The following KCNIP1 variants were observed in gnomAD, a reference collection of about 807,000 sequenced individuals.
KCNIP1 encodes A-type potassium channel modulatory protein KCNIP1.
Under a neutral mutation model 33.0 loss-of-function variants are expected in KCNIP1, and 18 were observed. The observed-to-expected ratio is 0.55, with a 90% confidence interval of 0.38 to 0.81. The LOEUF (loss-of-function observed/expected upper bound fraction) is 0.81. Ranked by LOEUF, KCNIP1 falls within the 30% of genes least tolerant of loss-of-function variation. The probability of loss-of-function intolerance (pLI) is 0.00; values close to 1 mark genes in which losing one functional copy is unlikely to be tolerated. For synonymous variants in KCNIP1, 93 were observed against 98.3 expected, an observed-to-expected ratio of 0.95 and a Z score of 0.32; for missense variants, 238 against 271.6, an observed-to-expected ratio of 0.88 and a Z score of 0.87.
intron 1 of KCNIP1, among the ~76,000 whole-genome samples, chr5:170,439,260 C>G (rs1160004761): frequency 6.6e-6 from 1 of 152,170 alleles, no homozygotes; most frequent in African/African-American, 2.4e-5. Flanking sequence ...CACCTCCCAT[C>G]CCCCGTTCCC....
intron 1 of KCNIP1, among the ~76,000 whole-genome samples, chr5:170,435,379 G>C (rs1299891738): frequency 1.3e-5 from 2 of 152,226 alleles, no homozygotes; most frequent in Non-Finnish European, 2.9e-5. Context: ...CTGCAAACCA[G>C]AAACGGGACT....
chr5:170,736,427 C>G lies in KCNIP1; in HGVS notation c.*621C>G, dbSNP rs1018189581. 6.5e-6 allele frequency: 1 copy of G among 152,770 alleles called. No individual in the cohort carries two copies. Among genetic ancestry groups the G allele is most frequent in the Non-Finnish European group, 1.5e-5 (1 of 68,158 alleles). The allele number at this position is 152,770 out of a possible 1,614,324, so 9.5% of individuals were successfully genotyped here. On this transcript the variant is annotated 3_prime_UTR_variant, in exon 8 of 8. Transcript: ENST00000328939. ...TTTCCAGAAACGAGGACCAATAATT[C>G]TCTCACACTGGCATTTGTGCTGGTA...
intron 1 of KCNIP1, among the ~76,000 whole-genome samples, chr5:170,446,130 C>G (rs984381187): frequency 5.3e-5 from 8 of 152,176 alleles, no homozygotes; most frequent in Non-Finnish European, 1.0e-4. Flanking sequence ...CAGGAAGTCT[C>G]CCTGTAGCTC....
intron 1 of KCNIP1, among the ~76,000 whole-genome samples, chr5:170,694,940 C>T (rs1762841959): frequency 6.6e-6 from 1 of 152,160 alleles, no homozygotes; most frequent in Non-Finnish European, 1.5e-5. Context: ...AGCTGCTTTC[C>T]AAGGACTTGT....
intron 1 of KCNIP1, among the ~76,000 whole-genome samples, chr5:170,473,807 C>T (rs1756789809): frequency 6.6e-6 from 1 of 152,082 alleles, no homozygotes; most frequent in Admixed American, 6.5e-5. Flanking sequence ...GGAAGCTGAC[C>T]CACAAATCCC....
chr5:170,494,554 C>T (rs73313412), intron 1 of KCNIP1, among the ~76,000 whole-genome samples: 3,161 of 152,268 alleles, frequency 0.021, 90 homozygotes, highest in African/African-American at 0.072. Context: ...ACGAATGCCA[C>T]GGCTCTTGGA....
In KCNIP1 at chr5:170,509,209, T is replaced by C. The variant is rs1212141233; in HGVS notation, c.61+4576T>C. Among the ~76,000 whole-genome samples the C allele has an allele frequency of 2.0e-5, 3 of 152,186 alleles. No homozygotes were observed. In the East Asian group the frequency reaches 5.8e-4, roughly 29 times the overall value. On this transcript the variant is annotated intron_variant, in intron 1 of 7. Transcript: ENST00000328939. ...TGTCCATGAAATGTACCGAATCTGT[T>C]TACCATTTAGCAGGAAAGTGCTGAG... is the stretch of plus-strand genomic sequence containing the variant.
chr5:170,491,253 T>C (rs1757200232), intron 1 of KCNIP1, among the ~76,000 whole-genome samples: 1 of 152,244 alleles, frequency 6.6e-6, no homozygotes, highest in East Asian at 1.9e-4. Context: ...CAATGGTAGA[T>C]GAATGAATGA....
intron 1 of KCNIP1, among the ~76,000 whole-genome samples, chr5:170,606,845 T>G (rs929447910): frequency 3.3e-5 from 5 of 152,224 alleles, no homozygotes; most frequent in Admixed American, 6.5e-5. Flanking sequence ...GTTTCCTTCT[T>G]CTGCTGCTCT....
intron 1 of KCNIP1, among the ~76,000 whole-genome samples, chr5:170,574,881 G>T (rs1757543785): frequency 6.6e-6 from 1 of 152,222 alleles, no homozygotes; most frequent in South Asian, 2.1e-4. Flanking sequence ...AGACATGGGG[G>T]AAACGTGCCG....
chr5:170,560,907 C>T (rs1757014068), intron 1 of KCNIP1, among the ~76,000 whole-genome samples: 1 of 152,134 alleles, frequency 6.6e-6, no homozygotes, highest in Non-Finnish European at 1.5e-5. Context: ...TCCCCAGATT[C>T]TCCCTCACTA....
intron 1 of KCNIP1, among the ~76,000 whole-genome samples, chr5:170,467,024 G>T (rs116519689): frequency 6.6e-6 from 1 of 152,114 alleles, no homozygotes; most frequent in Admixed American, 6.5e-5. Context: ...TAATAAAACC[G>T]AGACTCAAAA....
chr5:170,720,178 G>A, intron 2 of KCNIP1, 143 bp from the exon 3 acceptor site: 1 of 647,312 alleles, frequency 1.5e-6, no homozygotes, highest in East Asian at 2.7e-5. Flanking sequence ...CCAGTCCTGA[G>A]ATGGCACTAC....
chr5:170,400,611 C>T (rs1167822148), intron 1 of KCNIP1, among the ~76,000 whole-genome samples: 1 of 152,190 alleles, frequency 6.6e-6, no homozygotes, highest in Non-Finnish European at 1.5e-5. Context: ...CAACATGTGC[C>T]AAGAACTGTG....
chr5:170,543,784 A>C (rs1437300794), intron 1 of KCNIP1, among the ~76,000 whole-genome samples: 1 of 152,234 alleles, frequency 6.6e-6, no homozygotes, highest in Non-Finnish European at 1.5e-5. Flanking sequence ...GTTAAATGTG[A>C]ATGGAAAAGT....
intron 1 of KCNIP1, among the ~76,000 whole-genome samples, chr5:170,565,175 CAG>C (rs1757163369): frequency 6.6e-6 from 1 of 152,048 alleles, no homozygotes; most frequent in Non-Finnish European, 1.5e-5. Context: ...CTGATTCCCA[CAG>C]AGAGAACACA....
intron 1 of KCNIP1, among the ~76,000 whole-genome samples, chr5:170,698,175 T>C (rs1762965150): frequency 6.6e-6 from 1 of 151,906 alleles, no homozygotes; most frequent in African/African-American, 2.4e-5. Context: ...GGTACCCGGG[T>C]ATCACAGGCC....
At chr5:170,735,715 A>AG (rs1344619422) in intron 7 of KCNIP1, 44 bp from the exon 8 acceptor site, 1 of 1,543,182 alleles carries the variant, frequency 6.5e-7, no homozygotes, top group East Asian at 2.2e-5. Flanking sequence ...GCTCTCAGGG[A>AG]GGAGACTCAG....
chr5:170,590,852 C>T (rs1475303680), intron 1 of KCNIP1, among the ~76,000 whole-genome samples: 1 of 152,176 alleles, frequency 6.6e-6, no homozygotes, highest in African/African-American at 2.4e-5. Context: ...CATGCAGGCT[C>T]CTTCCATCCT....
Sources: gnomAD v4.1 joint callset for allele counts (sites outside exome capture counted in the v4.1 genomes callset) on GRCh38, gnomAD v4.1.1 for gene constraint, MANE v1.5 for transcripts, NCBI Gene and HGNC (gene_info 2026-07-23, HGNC 2026-07-21) for gene names.